AKAP7: variants seen among roughly 807,000 people sequenced by gnomAD.
AKAP7 encodes A kinase (PRKA) anchor protein 7.
A neutral mutation model predicts 39.5 loss-of-function variants in AKAP7; 39 were observed. The observed-to-expected ratio is 0.99, with a 90% CI of 0.76 to 1.29. AKAP7 has a LOEUF of 1.29. AKAP7 is among the 50% of genes most tolerant of loss of function. The pLI, the probability that AKAP7 is intolerant of heterozygous loss-of-function variation, is 0.00. For synonymous variants in AKAP7, 140 were observed against 139.1 expected, an observed-to-expected ratio of 1.01 and a Z score of -0.05; for missense variants, 414 against 407.7, an observed-to-expected ratio of 1.02 and a Z score of -0.13.
chr6:131,261,230 A>G lies in AKAP7; in HGVS notation c.851-20300A>G, dbSNP rs185350589. On this transcript the variant is annotated intron_variant, in intron 7 of 7. Transcript: ENST00000431975. ...TCTCCAAAAAAAAAAAAAAAAGAAT[A>G]TTTTAAATTAATGGCTTTAAGACCA... Among the ~76,000 whole-genome samples, 471 of 151,262 alleles carry G rather than the reference A, an allele frequency of 3.1e-3. 4 individuals are homozygous for G. Among genetic ancestry groups the G allele is most frequent in the African/African-American group, 0.011 (444 of 41,136 alleles).
At chr6:131,156,189 C>T (rs548369573) in intron 2 of AKAP7, among the ~76,000 whole-genome samples, 8 of 152,068 alleles carry the variant, frequency 5.3e-5, no homozygotes, top group Non-Finnish European at 1.0e-4. Context: ...TCCCAGCATC[C>T]TGTGTTGCTT....
Position 131,269,083 on chromosome 6 carries a change from G to A in AKAP7, c.851-12447G>A, listed in dbSNP as rs559194259. Among the ~76,000 whole-genome samples the A allele has an allele frequency of 4.6e-5, 7 of 152,272 alleles. No homozygotes were observed. The East Asian group carries it at 7.7e-4, about 17-fold the overall frequency. ...ATACTACTTTTTTTTTGGAAACAGAGTCTCACTCACTTTCTTTCGCCCAGG... is the reference window on the plus strand; with the variant it reads ...ATACTACTTTTTTTTTGGAAACAGAATCTCACTCACTTTCTTTCGCCCAGG... On this transcript the variant is annotated intron_variant, in intron 7 of 7. Coordinates refer to ENST00000431975, the MANE Select transcript of AKAP7 (RefSeq NM_016377.4).
At chr6:131,144,238 G>A (rs1351821273) in intron 1 of AKAP7, among the ~76,000 whole-genome samples, 1 of 150,638 alleles carries the variant, frequency 6.6e-6, no homozygotes, top group Non-Finnish European at 1.5e-5. Flanking sequence ...CCACAAAACC[G>A]CCATTGTCAT....
At chr6:131,184,191 G>A (rs1294437626) in intron 5 of AKAP7, 6 of 382,126 alleles carry the variant, frequency 1.6e-5, no homozygotes, top group Non-Finnish European at 3.0e-5. Flanking sequence ...GCTGCCAAAG[G>A]CAGGCTAGAA....
chr6:131,164,952 TGAA>T (rs1183718794), intron 3 of AKAP7, 126 bp from the exon 4 acceptor site: 1 of 686,926 alleles, frequency 1.5e-6, no homozygotes, highest in Non-Finnish European at 2.4e-6. Flanking sequence ...TTCATTTGGT[TGAA>T]GAATCTTAAC....
chr6:131,208,708 A>G (rs1388159466), intron 6 of AKAP7, among the ~76,000 whole-genome samples: 1 of 152,204 alleles, frequency 6.6e-6, no homozygotes, highest in Non-Finnish European at 1.5e-5. Flanking sequence ...TGAAATGCAA[A>G]TGCTTATTGT....
intron 5 of AKAP7, among the ~76,000 whole-genome samples, chr6:131,181,448 A>G (rs1306726213): frequency 2.0e-5 from 3 of 152,126 alleles, no homozygotes; most frequent in Non-Finnish European, 2.9e-5. Flanking sequence ...AGCTCTGTTC[A>G]TCTTTCACCC....
At chr6:131,191,858 T>G (rs1806440415) in intron 5 of AKAP7, among the ~76,000 whole-genome samples, 1 of 151,596 alleles carries the variant, frequency 6.6e-6, no homozygotes, top group Non-Finnish European at 1.5e-5. Flanking sequence ...TTTTTTTTTT[T>G]TTTTGAGACT....
At chr6:131,169,376 G>A in intron 5 of AKAP7, 103 bp downstream of exon 5, 1 of 1,287,570 alleles carries the variant, frequency 7.8e-7, no homozygotes, top group East Asian at 2.3e-5. Flanking sequence ...AAAGATGATG[G>A]ACTAGACTCA....
intron 6 of AKAP7, among the ~76,000 whole-genome samples, chr6:131,210,398 A>G (rs952861749): frequency 5.3e-5 from 8 of 152,228 alleles, no homozygotes; most frequent in African/African-American, 1.9e-4. Context: ...GAACTTACTC[A>G]TATCATCTTA....
At chr6:131,240,723 C>T (rs929736353) in intron 7 of AKAP7, among the ~76,000 whole-genome samples, 2 of 152,234 alleles carry the variant, frequency 1.3e-5, no homozygotes, top group African/African-American at 4.8e-5. Flanking sequence ...AGGATATAAT[C>T]TCCTGGTATG....
At chr6:131,251,807 T>C (rs1423382666) in intron 7 of AKAP7, among the ~76,000 whole-genome samples, 1 of 152,246 alleles carries the variant, frequency 6.6e-6, no homozygotes, top group Non-Finnish European at 1.5e-5. Context: ...ACAAAGTCAT[T>C]CACTTTCTAA....
intron 2 of AKAP7, among the ~76,000 whole-genome samples, chr6:131,147,958 C>G (rs1342559163): frequency 2.0e-5 from 3 of 152,218 alleles, no homozygotes. Context: ...AATAGTGTTT[C>G]TGTAGTCACC....
intron 4 of AKAP7, among the ~76,000 whole-genome samples, chr6:131,166,923 A>C (rs1039917836): frequency 2.0e-5 from 3 of 151,780 alleles, no homozygotes; most frequent in African/African-American, 7.2e-5. Context: ...TATACTGATC[A>C]GTGGATTGGA....
At chr6:131,185,995 T>TGGTGTAA (rs1458005720) in intron 5 of AKAP7, among the ~76,000 whole-genome samples, 1 of 152,228 alleles carries the variant, frequency 6.6e-6, no homozygotes, top group Non-Finnish European at 1.5e-5. Context: ...TTTTTGTATA[T>TGGTGTAA]GGTGTAAGGT....
chr6:131,145,963 G>T (rs937953211), intron 2 of AKAP7, among the ~76,000 whole-genome samples: 1 of 151,992 alleles, frequency 6.6e-6, no homozygotes, highest in African/African-American at 2.4e-5. Context: ...TAATATTGAC[G>T]TGTGTCACAA....
At chr6:131,198,334 A>G (rs1807163898) in intron 5 of AKAP7, among the ~76,000 whole-genome samples, 1 of 152,196 alleles carries the variant, frequency 6.6e-6, no homozygotes, top group South Asian at 2.1e-4. Flanking sequence ...AATGAGGGCC[A>G]TATTGACCAG....
At chr6:131,153,640 G>C (rs1475365077) in intron 2 of AKAP7, among the ~76,000 whole-genome samples, 1 of 152,048 alleles carries the variant, frequency 6.6e-6, no homozygotes, top group Non-Finnish European at 1.5e-5. Context: ...GTGTTAAATA[G>C]GTAAGGTAGA....
chr6:131,155,184 C>A (rs1334667791), intron 2 of AKAP7, among the ~76,000 whole-genome samples: 1 of 151,988 alleles, frequency 6.6e-6, no homozygotes, highest in African/African-American at 2.4e-5. Context: ...TGGTTAATTT[C>A]TAAATTTTTT....
Sources: gnomAD v4.1 joint callset for allele counts (sites outside exome capture counted in the v4.1 genomes callset) on GRCh38, gnomAD v4.1.1 for gene constraint, MANE v1.5 for transcripts, NCBI Gene and HGNC (gene_info 2026-07-23, HGNC 2026-07-21) for gene names.